Variants in PPFIA2 observed in about 807,000 individuals in gnomAD.
PPFIA2 encodes PPFI scaffold protein A2.
In PPFIA2, 46 loss-of-function variants were observed where a neutral mutation model predicts 175.5. The observed-to-expected ratio is 0.26, with a 90% CI of 0.21 to 0.34. The LOEUF is 0.34. Ranked by LOEUF, PPFIA2 falls within the 10% of genes least tolerant of loss-of-function variation. The probability of loss-of-function intolerance (pLI) is 1.00; values close to 1 mark genes in which losing one functional copy is unlikely to be tolerated. For synonymous variants in PPFIA2, 568 were observed against 511.4 expected, an observed-to-expected ratio of 1.11 and a Z score of -1.49; for missense variants, 1,179 against 1,506.1, an observed-to-expected ratio of 0.78 and a Z score of 3.60.
chr12:81,411,234 A>C lies in PPFIA2; in HGVS notation c.646-5331T>G, dbSNP rs528676216. On this transcript the variant is annotated intron_variant, in intron 7 of 32. Coordinates refer to ENST00000549396, the MANE Select transcript of PPFIA2 (RefSeq NM_003625.5). ...GTGTTCCTCGCACTGTAAGTTGTTTAATATTCCTGTGGCAAAAAGTACCTG... is the reference window on the plus strand; with the variant it reads ...GTGTTCCTCGCACTGTAAGTTGTTTCATATTCCTGTGGCAAAAAGTACCTG... 1.4e-3 allele frequency among the ~76,000 whole-genome samples: 217 copies of C among 152,196 alleles called. 1 individual carries two copies. The highest frequency in any genetic ancestry group is 2.7e-3 in the Non-Finnish European group (185 of 67,982).
At chr12:81,468,206 T>A (rs1260429884) in intron 4 of PPFIA2, among the ~76,000 whole-genome samples, 1 of 152,224 alleles carries the variant, frequency 6.6e-6, no homozygotes, top group African/African-American at 2.4e-5. Context: ...TTCAGCCAAT[T>A]AATGCTCTTG....
chr12:81,631,473 G>A (rs545334008), intron 4 of PPFIA2, among the ~76,000 whole-genome samples: 28 of 151,992 alleles, frequency 1.8e-4, no homozygotes, highest in Admixed American at 1.4e-3. Flanking sequence ...CCCAAGATCC[G>A]ATGATATACT....
intron 24 of PPFIA2, among the ~76,000 whole-genome samples, chr12:81,291,451 G>A (rs1475039084): frequency 6.6e-6 from 1 of 151,854 alleles, no homozygotes; most frequent in Non-Finnish European, 1.5e-5. Flanking sequence ...CCTTAGTAGA[G>A]TTTCCCTTTC....
intron 4 of PPFIA2, among the ~76,000 whole-genome samples, chr12:81,606,003 T>C (rs1033438589): frequency 6.6e-6 from 1 of 151,872 alleles, no homozygotes; most frequent in Admixed American, 6.6e-5. Context: ...ACAGTGTCAA[T>C]TGCTCCTATG....
chr12:81,349,643 T>C (rs2059672865), intron 17 of PPFIA2, among the ~76,000 whole-genome samples: 1 of 151,592 alleles, frequency 6.6e-6, no homozygotes, highest in Non-Finnish European at 1.5e-5. Context: ...GAAATTTTTT[T>C]CTGGTGAGAT....
At chr12:81,629,636 A>G (rs540564723) in intron 4 of PPFIA2, among the ~76,000 whole-genome samples, 1 of 152,302 alleles carries the variant, frequency 6.6e-6, no homozygotes, top group East Asian at 1.9e-4. Context: ...AGTAACCTGG[A>G]TCACACTAAA....
At chr12:81,380,539 A>G (rs1366864493) in intron 9 of PPFIA2, among the ~76,000 whole-genome samples, 1 of 65,380 alleles carries the variant, frequency 1.5e-5, no homozygotes, top group East Asian at 8.8e-4. Flanking sequence ...TGCTTATTGA[A>G]AAAAAAAGAT....
intron 8 of PPFIA2, among the ~76,000 whole-genome samples, chr12:81,397,804 T>C (rs955925220): frequency 6.6e-6 from 1 of 152,054 alleles, no homozygotes; most frequent in Non-Finnish European, 1.5e-5. Flanking sequence ...AACCACTCCC[T>C]ATCACTTGCA....
At chr12:81,683,771 A>G (rs927072404) in intron 3 of PPFIA2, among the ~76,000 whole-genome samples, 8 of 152,024 alleles carry the variant, frequency 5.3e-5, no homozygotes, top group Non-Finnish European at 7.4e-5. Flanking sequence ...GAGGCTCGGT[A>G]ATAAAAATTA....
At chr12:81,416,886 T>C (rs1454529065) in intron 7 of PPFIA2, among the ~76,000 whole-genome samples, 2 of 151,756 alleles carry the variant, frequency 1.3e-5, no homozygotes, top group Non-Finnish European at 3.0e-5. Context: ...CCAATGTGTG[T>C]GTACGTGATC....
intron 27 of PPFIA2, among the ~76,000 whole-genome samples, chr12:81,280,456 A>G (rs2041822006): frequency 6.6e-6 from 1 of 152,130 alleles, no homozygotes; most frequent in South Asian, 2.1e-4. Context: ...TTTTTATACC[A>G]TCTTCACTCC....
chr12:81,403,248 A>G (rs574785370), intron 8 of PPFIA2, among the ~76,000 whole-genome samples: 38 of 152,290 alleles, frequency 2.5e-4, no homozygotes, highest in African/African-American at 8.9e-4. Flanking sequence ...ACTGGAAGTC[A>G]AAAAAAGTTA....
chr12:81,406,979 A>G (rs1249986081), intron 7 of PPFIA2, among the ~76,000 whole-genome samples: 1 of 152,188 alleles, frequency 6.6e-6, no homozygotes, highest in East Asian at 1.9e-4. Context: ...TGTGTCCATG[A>G]CATCAGTTGA....
At chr12:81,717,672 C>T (rs1418472704) in intron 3 of PPFIA2, among the ~76,000 whole-genome samples, 1 of 151,620 alleles carries the variant, frequency 6.6e-6, no homozygotes, top group Non-Finnish European at 1.5e-5. Context: ...ATATGCCAGG[C>T]ACTGTCCTGG....
chr12:81,696,488 AT>A (rs1189933763), intron 3 of PPFIA2, among the ~76,000 whole-genome samples: 1 of 152,154 alleles, frequency 6.6e-6, no homozygotes, highest in African/African-American at 2.4e-5. Flanking sequence ...ATATTTGCAT[AT>A]TTAAACCTTG....
At chr12:81,574,174 C>T (rs2073080243) in intron 4 of PPFIA2, among the ~76,000 whole-genome samples, 1 of 151,804 alleles carries the variant, frequency 6.6e-6, no homozygotes, top group African/African-American at 2.4e-5. Context: ...CCTCTTTTAT[C>T]ATCTACTTCT....
chr12:81,688,976 A>G (rs751292592), intron 3 of PPFIA2, among the ~76,000 whole-genome samples: 2 of 151,708 alleles, frequency 1.3e-5, no homozygotes, highest in Non-Finnish European at 2.9e-5. Flanking sequence ...CAGATGATCT[A>G]TATTCAAATT....
At chr12:81,497,131 C>T (rs2060105474) in intron 4 of PPFIA2, among the ~76,000 whole-genome samples, 1 of 152,152 alleles carries the variant, frequency 6.6e-6, no homozygotes, top group African/African-American at 2.4e-5. Context: ...AGCTGCTTGC[C>T]AGCAGTGCCA....
chr12:81,643,320 C>T (rs1237809702), intron 4 of PPFIA2, among the ~76,000 whole-genome samples: 2 of 151,756 alleles, frequency 1.3e-5, no homozygotes, highest in Non-Finnish European at 2.9e-5. Flanking sequence ...GACCCCTCAA[C>T]CACTAAAATA....
Sources: gnomAD v4.1 joint callset for allele counts (sites outside exome capture counted in the v4.1 genomes callset) on GRCh38, gnomAD v4.1.1 for gene constraint, MANE v1.5 for transcripts, NCBI Gene and HGNC (gene_info 2026-07-23, HGNC 2026-07-21) for gene names.